MARK2: variants seen among roughly 807,000 people sequenced by gnomAD.
The protein encoded by MARK2 is serine/threonine-protein kinase MARK2.
In MARK2, 16 loss-of-function variants were observed where a neutral mutation model predicts 89.8. The ratio of observed to expected loss-of-function variants is 0.18; its 90% CI spans 0.12 to 0.27. The LOEUF is 0.27. MARK2 is among the 10% of genes least tolerant of loss of function. MARK2 has a pLI of 1.00. For missense variants in MARK2, 621 were observed against 1,049.9 expected (o/e 0.59, Z 5.65); for synonymous variants, 382 against 399.5 (o/e 0.96, Z 0.52).
rs1941682015 is a variant in MARK2 at position 63,910,490 on chromosome 11, G to A, written c.*1253G>A. The stretch of plus-strand genomic sequence containing the variant: ...TGGCCAGTGTGGGCGTGGGCGGTTT[G>A]GGGCGCTTGGCTGGTGGTGGCCACT... On this transcript the variant is annotated 3_prime_UTR_variant, in exon 19 of 19. Transcript: ENST00000402010. 6.6e-6 allele frequency: 1 copy of A among 152,200 alleles called. No homozygotes were observed. Among genetic ancestry groups the A allele is most frequent in the African/African-American group, 2.4e-5 (1 of 41,436 alleles). 9.4% of individuals were successfully genotyped at this position (152,200 alleles called of 1,614,324 possible).
chr11:63,882,213 AAAT>A (rs903014988), intron 1 of MARK2, among the ~76,000 whole-genome samples: 4 of 119,870 alleles, frequency 3.3e-5, no homozygotes, highest in Non-Finnish European at 7.7e-5. Flanking sequence ...TATTTATTCA[AAAT>A]AATAATTTTT....
Position 63,842,217 on chromosome 11 carries a change from CTT to C in MARK2, c.54+2674_54+2675del, listed in dbSNP as rs563980317. Among the ~76,000 whole-genome samples the C allele has an allele frequency of 9.3e-4, 124 of 132,920 alleles. 1 individual carries two copies. The highest frequency in any genetic ancestry group is 4.1e-3 in the Middle Eastern group (1 of 244). The allele number at this position is 132,920 out of a possible 152,430, so 87.2% of individuals were successfully genotyped here. A position where few individuals can be genotyped will look rare whatever the true frequency, so the allele number is the denominator to read the frequency against. ...CCTATTCCAGACAGATTCCTGTATTCTTTTTTTTTTTTTTTTTTGAGATAGAG... is the reference window on the plus strand; with the variant it reads ...CCTATTCCAGACAGATTCCTGTATTCTTTTTTTTTTTTTTTTGAGATAGAG... On this transcript the variant is annotated intron_variant, in intron 1 of 18. Transcript: ENST00000402010.
At position 63,903,035 on chromosome 11, in the gene MARK2, G is replaced by T; in HGVS notation, c.1417-26G>T. On this transcript the variant is annotated intron_variant, in intron 13 of 18. Transcript: ENST00000402010. This position sits in a 1 kb window ranked among gnomAD's most constrained non-coding sequence, Gnocchi z 5.1. ...TGTAGACCACTTTGGCTTTCTGATAGAACGCTTGCCCTTTATTCCCCACAG... is the reference window on the plus strand; with the variant it reads ...TGTAGACCACTTTGGCTTTCTGATATAACGCTTGCCCTTTATTCCCCACAG... 1 of 1,602,962 alleles carries T rather than the reference G, an allele frequency of 6.2e-7. No homozygotes were observed. Among genetic ancestry groups the T allele is most frequent in the South Asian group, 1.1e-5 (1 of 90,814 alleles).
At chr11:63,908,479 GTTA>G (rs1565152388) in intron 18 of MARK2, among the ~76,000 whole-genome samples, 175 bp downstream of exon 18, 1 of 152,202 alleles carries the variant, frequency 6.6e-6, no homozygotes, top group African/African-American at 2.4e-5. Flanking sequence ...AATTGCAGGA[GTTA>G]CGGGCCCTTC....
At chr11:63,854,654 G>C (rs1251819858) in intron 1 of MARK2, among the ~76,000 whole-genome samples, 2 of 151,754 alleles carry the variant, frequency 1.3e-5, no homozygotes, top group Non-Finnish European at 2.9e-5. Flanking sequence ...GTCCAACATG[G>C]TGAAACCCTG....
chr11:63,878,734 C>A (rs1481858596), intron 1 of MARK2, among the ~76,000 whole-genome samples: 1 of 152,034 alleles, frequency 6.6e-6, no homozygotes. Context: ...GTCTGCTGCC[C>A]ATGGTGCTTG....
At chr11:63,899,685 G>A (rs1420093356) in intron 7 of MARK2, among the ~76,000 whole-genome samples, 189 bp from the exon 8 acceptor site, 1 of 152,214 alleles carries the variant, frequency 6.6e-6, no homozygotes, top group African/African-American at 2.4e-5. Flanking sequence ...CACGTGAGGA[G>A]TGGCCTGCAT....
At chr11:63,892,870 T>A (rs1940003085) in intron 1 of MARK2, among the ~76,000 whole-genome samples, 1 of 151,036 alleles carries the variant, frequency 6.6e-6, no homozygotes, top group Non-Finnish European at 1.5e-5. Context: ...GCTGGGACTA[T>A]AGGTGCATGC....
chr11:63,862,330 A>T (rs1013596603), intron 1 of MARK2, among the ~76,000 whole-genome samples: 1 of 152,238 alleles, frequency 6.6e-6, no homozygotes, highest in Non-Finnish European at 1.5e-5. Context: ...CAGGTGGTCC[A>T]GAGTATGTCA....
intron 1 of MARK2, among the ~76,000 whole-genome samples, chr11:63,877,100 C>CTTTTT (rs757123411): frequency 5.0e-5 from 4 of 79,526 alleles, no homozygotes; most frequent in African/African-American, 9.5e-5. Flanking sequence ...CAATCAGACT[C>CTTTTT]TTTTTTTTTT....
intron 1 of MARK2, among the ~76,000 whole-genome samples, chr11:63,865,904 C>T (rs1432153253): frequency 1.3e-5 from 2 of 152,098 alleles, no homozygotes; most frequent in Non-Finnish European, 1.5e-5. Flanking sequence ...GATTTTCTAA[C>T]TTGATAGTAA....
chr11:63,868,726 C>T (rs1237324624), intron 1 of MARK2: 9 of 454,230 alleles, frequency 2.0e-5, no homozygotes, highest in Non-Finnish European at 3.6e-5. Context: ...CTCCTGGTTA[C>T]AGTGGGCTCA....
intron 1 of MARK2, among the ~76,000 whole-genome samples, chr11:63,864,472 G>A (rs912812460): frequency 6.6e-6 from 1 of 151,046 alleles, no homozygotes; most frequent in Non-Finnish European, 1.5e-5. Flanking sequence ...CAGGCTAGTG[G>A]TGGTCTTGAA....
Position 63,905,025 on chromosome 11 carries a change from C to T in MARK2, c.1916C>T (p.Thr639Ile). 6.2e-7 allele frequency: 1 copy of T among 1,613,698 alleles called. No homozygotes were observed. The highest frequency in any genetic ancestry group is 8.5e-7 in the Non-Finnish European group (1 of 1,179,712). ...TCTGGGAGCATCTTCAGCAAGTTCACCTCCAAGTTTGTACGCAGGTAAGCA... is the reference window on the plus strand; with the variant it reads ...TCTGGGAGCATCTTCAGCAAGTTCATCTCCAAGTTTGTACGCAGGTAAGCA... ...GASGSIFSKF[T>I]SKFVRRNLSF... The change falls in exon 16 of 19, where the codon ACC (threonine) becomes ATC (isoleucine). Residue 639 changes from threonine (T) to isoleucine (I), a missense_variant. Physicochemically the swap from Thr to Ile is moderately conservative, Grantham distance 89. This residue lies in a region of MARK2 where 397 missense variants were observed against 567.8 expected (regional missense o/e 0.70). Coordinates refer to ENST00000402010, the MANE Select transcript of MARK2 (RefSeq NM_001039469.3).
Position 63,904,620 on chromosome 11 carries a change from TCTC to T in MARK2, c.1677-165_1677-163del, listed in dbSNP as rs1170446918. On this transcript the variant is annotated intron_variant, in intron 15 of 18. Transcript: ENST00000402010. The surrounding 1 kb of genome is among the most constrained non-coding windows in gnomAD (Gnocchi z 6.3). Reference sequence around the variant, plus strand: ...TCCTTCCACTTCCACGAGACTTCCTTCTCACCACTGTCCTCAGTAGTCACACCC... The same window carrying T: ...TCCTTCCACTTCCACGAGACTTCCTTACCACTGTCCTCAGTAGTCACACCC... 6.6e-6 allele frequency among the ~76,000 whole-genome samples: 1 copy of T among 152,044 alleles called. No individual in the cohort carries two copies. The highest frequency in any genetic ancestry group is 1.5e-5 in the Non-Finnish European group (1 of 67,986).
intron 18 of MARK2, among the ~76,000 whole-genome samples, 179 bp from the exon 19 acceptor site, chr11:63,908,697 TC>T (rs1321658829): frequency 1.3e-5 from 2 of 152,122 alleles, no homozygotes; most frequent in Non-Finnish European, 2.9e-5. Context: ...CCCTTCGCTG[TC>T]CTGAGAGATG....
chr11:63,893,863 T>C (rs1302777868), intron 1 of MARK2, among the ~76,000 whole-genome samples: 1 of 152,244 alleles, frequency 6.6e-6, no homozygotes, highest in African/African-American at 2.4e-5. Context: ...ATGTATATAA[T>C]GTACACATGA....
At chr11:63,851,264 G>T (rs2016558484) in intron 1 of MARK2, among the ~76,000 whole-genome samples, 1 of 152,136 alleles carries the variant, frequency 6.6e-6, no homozygotes. Context: ...AAGTTGCTTA[G>T]TTTTTTCACA....
At chr11:63,888,246 A>T (rs1939521380) in intron 1 of MARK2, among the ~76,000 whole-genome samples, 1 of 151,974 alleles carries the variant, frequency 6.6e-6, no homozygotes, top group African/African-American at 2.4e-5. Context: ...TTCGTTCTTG[A>T]GGGGGTGGTT....
Sources: gnomAD v4.1 joint callset for allele counts (sites outside exome capture counted in the v4.1 genomes callset) on GRCh38, gnomAD v4.1.1 for gene constraint, gnomAD v4.1.1 regional missense constraint, Gnocchi (gnomAD v3.1) non-coding constraint, MANE v1.5 for transcripts, NCBI Gene and HGNC (gene_info 2026-07-23, HGNC 2026-07-21) for gene names.